Variants in NBAS observed in about 807,000 individuals in gnomAD.
NBAS encodes NBAS subunit of NRZ tethering complex.
Under a neutral mutation model 302.5 loss-of-function variants are expected in NBAS, and 219 were observed. The observed-to-expected ratio is 0.72, with a 90% CI of 0.65 to 0.81. The LOEUF is 0.81. NBAS is among the 30% of genes least tolerant of loss of function. NBAS has a pLI of 0.00. For missense variants in NBAS, 2,932 were observed against 2,841.6 expected (o/e 1.03, Z -0.72); for synonymous variants, 1,118 against 1,021.6 (o/e 1.09, Z -1.80).
chr2:15,154,221 A>G, the NBAS span, among the ~76,000 whole-genome samples: 1 of 152,230 alleles, frequency 6.6e-6, no homozygotes, highest in South Asian at 2.1e-4. Flanking sequence ...GTCCAGAGAC[A>G]GTCAATGAAA....
the NBAS span, among the ~76,000 whole-genome samples, chr2:15,002,859 G>T: frequency 6.6e-6 from 1 of 152,152 alleles, no homozygotes; most frequent in East Asian, 1.9e-4. Flanking sequence ...ACGCCCACCC[G>T]GAACTCCAGC....
chr2:15,013,787 A>AAAT, the NBAS span, among the ~76,000 whole-genome samples: 1 of 152,114 alleles, frequency 6.6e-6, no homozygotes, highest in African/African-American at 2.4e-5. Context: ...TCCACCTCAA[A>AAAT]AATTAATTAA....
intron 25 of NBAS, among the ~76,000 whole-genome samples, chr2:15,413,425 G>C (rs755056030): frequency 1.6e-4 from 25 of 152,194 alleles, no homozygotes; most frequent in Non-Finnish European, 2.6e-4. Flanking sequence ...TATGATAAGA[G>C]CTATAATAGA....
intron 6 of NBAS, among the ~76,000 whole-genome samples, chr2:15,549,993 A>G (rs1664300586): frequency 6.6e-6 from 1 of 151,922 alleles, no homozygotes; most frequent in African/African-American, 2.4e-5. Context: ...GTCTCTACAA[A>G]AAATTTTAAA....
the NBAS span, among the ~76,000 whole-genome samples, chr2:14,927,051 AG>A: frequency 6.6e-6 from 1 of 152,222 alleles, no homozygotes; most frequent in African/African-American, 2.4e-5. Context: ...ATAGATCAAA[AG>A]ACTGACCTCC....
the NBAS span, among the ~76,000 whole-genome samples, chr2:15,080,282 C>A: frequency 2.0e-5 from 3 of 152,196 alleles, no homozygotes; most frequent in African/African-American, 4.8e-5. Context: ...AGTTCACATG[C>A]ACCTAGAGAT....
At chr2:15,062,370 G>A in the NBAS span, among the ~76,000 whole-genome samples, 1 of 152,158 alleles carries the variant, frequency 6.6e-6, no homozygotes, top group African/African-American at 2.4e-5. Flanking sequence ...ATGCATGCCT[G>A]AGCTGCCAAT....
chr2:15,502,127 C>G (rs1661597492), intron 11 of NBAS, among the ~76,000 whole-genome samples: 1 of 152,170 alleles, frequency 6.6e-6, no homozygotes, highest in African/African-American at 2.4e-5. Context: ...GGATCACAAA[C>G]CAACAGAAGA....
intron 16 of NBAS, among the ~76,000 whole-genome samples, chr2:15,471,453 AATC>A (rs775791261): frequency 8.5e-5 from 13 of 152,198 alleles, no homozygotes; most frequent in Non-Finnish European, 1.6e-4. Flanking sequence ...TTAGGGAAAT[AATC>A]ATCATGAAAT....
chr2:15,190,540 C>T, intron 48 of NBAS, 137 bp from the exon 49 acceptor site: 5 of 1,013,448 alleles, frequency 4.9e-6, no homozygotes, highest in Non-Finnish European at 2.9e-6. Flanking sequence ...AGAAAAACAA[C>T]CACCTCAAAA....
At chr2:15,433,230 T>C (rs1429676158) in intron 21 of NBAS, among the ~76,000 whole-genome samples, 1 of 152,228 alleles carries the variant, frequency 6.6e-6, no homozygotes, top group Non-Finnish European at 1.5e-5. Flanking sequence ...CTACCTTTCA[T>C]AGCTGTAGAA....
chr2:15,412,387 C>T (rs1676725039), intron 25 of NBAS, among the ~76,000 whole-genome samples: 1 of 152,082 alleles, frequency 6.6e-6, no homozygotes, highest in African/African-American at 2.4e-5. Flanking sequence ...CCTGAGTCCC[C>T]AAATGAATAA....
the NBAS span, among the ~76,000 whole-genome samples, chr2:14,947,991 C>A: frequency 6.6e-6 from 1 of 151,948 alleles, no homozygotes; most frequent in East Asian, 1.9e-4. Flanking sequence ...GGTGAGTGAT[C>A]TTTTCAATGT....
chr2:15,211,958 TC>T (rs1467073149), intron 48 of NBAS, among the ~76,000 whole-genome samples: 1 of 152,168 alleles, frequency 6.6e-6, no homozygotes, highest in African/African-American at 2.4e-5. Flanking sequence ...ACTAATGACT[TC>T]CCTGAAATTA....
intron 35 of NBAS, among the ~76,000 whole-genome samples, chr2:15,347,722 AC>A (rs2148287357): frequency 6.6e-6 from 1 of 152,336 alleles, no homozygotes; most frequent in Admixed American, 6.5e-5. Context: ...TACTAGCTAA[AC>A]AAAATGTTAA....
At chr2:15,042,270 T>C in the NBAS span, among the ~76,000 whole-genome samples, 2 of 152,094 alleles carry the variant, frequency 1.3e-5, no homozygotes, top group Admixed American at 6.5e-5. Context: ...ATGTCAAGGG[T>C]AGTTTGAACC....
chr2:14,953,887 G>C, the NBAS span, among the ~76,000 whole-genome samples: 1 of 152,124 alleles, frequency 6.6e-6, no homozygotes, highest in Non-Finnish European at 1.5e-5. Context: ...CATGAGAGGT[G>C]ATGCTTCATG....
chr2:15,021,083 T>C, the NBAS span, among the ~76,000 whole-genome samples: 2 of 151,944 alleles, frequency 1.3e-5, no homozygotes, highest in Non-Finnish European at 2.9e-5. Flanking sequence ...AATACAAAAA[T>C]TAGCCAGGCA....
intron 11 of NBAS, among the ~76,000 whole-genome samples, chr2:15,501,376 A>C (rs13017060): frequency 0.48 from 72,892 of 151,960 alleles, 19,479 homozygotes; most frequent in Non-Finnish European, 0.61. Context: ...ATTCAAAAAG[A>C]ACCTGTGGAC....
Sources: gnomAD v4.1 joint callset for allele counts (sites outside exome capture counted in the v4.1 genomes callset) on GRCh38, gnomAD v4.1.1 for gene constraint, MANE v1.5 for transcripts, NCBI Gene and HGNC (gene_info 2026-07-23, HGNC 2026-07-21) for gene names.